MDN1: variants seen among roughly 807,000 people sequenced by gnomAD.
The protein encoded by MDN1 is midasin AAA ATPase 1.
In MDN1, 266 loss-of-function variants were observed where a neutral mutation model predicts 669.2. The observed-to-expected ratio is 0.40, with a 90% CI of 0.36 to 0.44. The LOEUF (loss-of-function observed/expected upper bound fraction) is 0.44, where lower values mean the gene tolerates loss of function less well. Ranked by LOEUF, MDN1 falls within the 20% of genes least tolerant of loss-of-function variation. MDN1 has a pLI of 1.00. For synonymous variants in MDN1, 2,385 were observed against 2,457.1 expected (o/e 0.97, Z 0.87); for missense variants, 5,940 against 6,754.0 (o/e 0.88, Z 4.22).
Position 89,684,980 on chromosome 6 carries a change from G to A in MDN1, c.11725C>T (p.Leu3909Phe), listed in dbSNP as rs1054411286. ...TACAAATTCCATAGAACACTGCAAA[G>A]TGAATCTGGAAGAAATGAAAAGGAA... ...LMPQVEGKDS[L>F]CSVLWNLYHY... Residue 3909 changes from leucine (L) to phenylalanine (F), a missense_variant, in exon 71 of 102, where the codon CTT (leucine) becomes TTT (phenylalanine). Leu to Phe is a conservative substitution (Grantham distance 22, BLOSUM62 0). Transcript: ENST00000369393. 1.2e-6 allele frequency: 2 copies of A among 1,606,408 alleles called. No individual in the cohort carries two copies. The highest frequency in any genetic ancestry group is 2.2e-5 in the South Asian group (2 of 90,724).
Position 89,790,334 on chromosome 6 carries a change from A to G in MDN1, c.923T>C (p.Val308Ala), listed in dbSNP as rs1485302196. ...ALRSYVLVES[V>A]CKSLQTLAMA... ...AGCCAGGGTCTGAAGACTTTTGCAGACAGACTCAACCAGCACATAAGACCT... is the reference window on the plus strand; with the variant it reads ...AGCCAGGGTCTGAAGACTTTTGCAGGCAGACTCAACCAGCACATAAGACCT... Residue 308 changes from valine (V) to alanine (A), a missense_variant, in exon 6 of 102, where the codon GTC (valine) becomes GCC (alanine). Val to Ala is a moderately conservative substitution (Grantham distance 64). This residue lies in a region of MDN1 where 1,203 missense variants were observed against 1,268.9 expected (regional missense o/e 0.95). Transcript: ENST00000369393. The G allele has an allele frequency of 3.1e-6, 5 of 1,614,048 alleles. No homozygotes were observed. Among genetic ancestry groups the G allele is most frequent in the African/African-American group, 1.3e-5 (1 of 74,912 alleles).
At position 89,715,053 on chromosome 6, in the gene MDN1, A is replaced by G. The variant is rs187138862; in HGVS notation, c.6861-302T>C. ...TCATTATTCTAACTCACCTACAGAC[A>G]GCAGAACAGGAAGCAAGTGTAGTCT... is the stretch of plus-strand genomic sequence containing the variant. On this transcript the variant is annotated intron_variant, in intron 45 of 101. Transcript: ENST00000369393. 5.9e-5 allele frequency among the ~76,000 whole-genome samples: 9 copies of G among 152,358 alleles called. 1 individual carries two copies. Among genetic ancestry groups the G allele is most frequent in the Admixed American group, 5.2e-4 (8 of 15,310 alleles).
At chr6:89,644,237 C>A in intron 101 of MDN1, 44 bp from the exon 102 acceptor site, 2 of 1,510,744 alleles carry the variant, frequency 1.3e-6, no homozygotes, top group South Asian at 2.5e-5. Context: ...AGCGATTAAA[C>A]CAGCATCCTT....
At chr6:89,749,130 T>C (rs143583006) in intron 26 of MDN1, 93 bp downstream of exon 26, 95 of 1,204,452 alleles carry the variant, frequency 7.9e-5, no homozygotes, top group Non-Finnish European at 1.0e-4. Flanking sequence ...CTTGGAAAAA[T>C]ACATCAACAG....
intron 27 of MDN1, among the ~76,000 whole-genome samples, chr6:89,745,885 A>G (rs781024461): frequency 1.3e-5 from 2 of 152,246 alleles, no homozygotes; most frequent in Non-Finnish European, 2.9e-5. Context: ...AGCTTTGTTC[A>G]TAACTAAAAA....
At chr6:89,690,905 T>C in intron 63 of MDN1, 71 bp from the exon 64 acceptor site, 2 of 1,520,730 alleles carry the variant, frequency 1.3e-6, no homozygotes, top group Middle Eastern at 1.7e-4. Flanking sequence ...AGATTTGCTA[T>C]TAATTTCTCA....
At chr6:89,767,285 C>T (rs1817847393) in intron 15 of MDN1, among the ~76,000 whole-genome samples, 1 of 152,110 alleles carries the variant, frequency 6.6e-6, no homozygotes, top group African/African-American at 2.4e-5. Flanking sequence ...AGGAAAAAGA[C>T]ATATCATGCC....
chr6:89,799,781 TA>T (rs1767510257), intron 2 of MDN1, among the ~76,000 whole-genome samples: 1 of 152,218 alleles, frequency 6.6e-6, no homozygotes, highest in Non-Finnish European at 1.5e-5. Flanking sequence ...GAATGAAACT[TA>T]AATTTTGTTA....
At chr6:89,768,336 T>G (rs1340225598) in intron 15 of MDN1, among the ~76,000 whole-genome samples, 1 of 152,174 alleles carries the variant, frequency 6.6e-6, no homozygotes, top group African/African-American at 2.4e-5. Context: ...CTCATGAGAT[T>G]AGATGGTTTT....
At chr6:89,647,688 A>G (rs1808573301) in intron 99 of MDN1, among the ~76,000 whole-genome samples, 1 of 152,198 alleles carries the variant, frequency 6.6e-6, no homozygotes, top group Non-Finnish European at 1.5e-5. Flanking sequence ...TTCTCAGCCC[A>G]GCATGGTGGT....
Position 89,695,482 on chromosome 6 carries a change from A to C in MDN1, c.9771+123T>G. 1 of 1,274,650 alleles carries C rather than the reference A, an allele frequency of 7.8e-7. No homozygotes were observed. The highest frequency in any genetic ancestry group is 2.2e-4 in the Middle Eastern group (1 of 4,622). 79.0% of individuals were successfully genotyped at this position (1,274,650 alleles called of 1,614,324 possible). ...ACAGACTCCTGGGAAGTCATAAGGC[A>C]ACTTATGCAATATCATGCTTGTGAT... is the stretch of plus-strand genomic sequence containing the variant. On this transcript the variant is annotated intron_variant, in intron 61 of 101. Transcript: ENST00000369393. The surrounding 1 kb of genome is among the most constrained non-coding windows in gnomAD (Gnocchi z 4.1).
At chr6:89,758,178 G>A (rs1020419120) in intron 19 of MDN1, 77 bp downstream of exon 19, 15 of 1,154,194 alleles carry the variant, frequency 1.3e-5, no homozygotes, top group Middle Eastern at 3.9e-4. Context: ...CCAAGATCAC[G>A]CCACTGCACT....
chr6:89,803,890 C>CTTTCTTTTTTTTTT (rs377468650), intron 1 of MDN1, among the ~76,000 whole-genome samples: 28 of 93,192 alleles, frequency 3.0e-4, no homozygotes, highest in South Asian at 7.0e-4. Context: ...CTTTTCTTTT[C>CTTTCTTTTTTTTTT]TTTTCTTTTT....
chr6:89,690,699 T>G lies in MDN1; in HGVS notation c.10723A>C (p.Arg3575=). 1.2e-6 allele frequency: 2 copies of G among 1,614,158 alleles called. No homozygotes were observed. Among genetic ancestry groups the G allele is most frequent in the South Asian group, 1.1e-5 (1 of 91,080 alleles). ...SEEEEEEREF[R]KQFPLHEKDF... ...TTTTCATGCAGGGGGAACTGTTTTC[T>G]GAACTCCCGTTCTTCCTCCTCCTCT... Residue 3575 remains arginine (R), a synonymous_variant, in exon 64 of 102, where the codon AGA becomes CGA. Transcript: ENST00000369393.
intron 45 of MDN1, among the ~76,000 whole-genome samples, 193 bp downstream of exon 45, chr6:89,715,460 T>A (rs1314717963): frequency 6.6e-6 from 1 of 152,204 alleles, no homozygotes; most frequent in Non-Finnish European, 1.5e-5. Context: ...TTGTTTATGC[T>A]GTGTTTCCAG....
chr6:89,716,464 A>G (rs1013984332), intron 44 of MDN1, among the ~76,000 whole-genome samples, 186 bp downstream of exon 44: 2 of 152,268 alleles, frequency 1.3e-5, no homozygotes, highest in Admixed American at 1.3e-4. Context: ...CTGAAATCTT[A>G]TAACTGTCTG....
intron 93 of MDN1, among the ~76,000 whole-genome samples, 175 bp from the exon 94 acceptor site, chr6:89,653,330 C>CT (rs1809012961): frequency 6.6e-6 from 1 of 152,210 alleles, no homozygotes; most frequent in African/African-American, 2.4e-5. Flanking sequence ...ATTGCCAACC[C>CT]TTACTCTCTA....
rs199604939 is a variant in MDN1, at chr6:89,688,203, T to C, written c.11260-30A>G. On this transcript the variant is annotated intron_variant, in intron 66 of 101. Transcript: ENST00000369393. ...AGAAATAAAGATTTGGGTATCTCAG[T>C]AGGAATACCAGTGATCCTAAGTCAC... 1.2e-5 allele frequency: 19 copies of C among 1,570,532 alleles called. No homozygotes were observed. The East Asian group carries it at 1.6e-4, about 13-fold the overall frequency.
At chr6:89,740,993 A>T (rs1472706914) in intron 31 of MDN1, among the ~76,000 whole-genome samples, 1 of 152,224 alleles carries the variant, frequency 6.6e-6, no homozygotes, top group Admixed American at 6.5e-5. Context: ...GCACTTTGGA[A>T]GGCCAAGGTG....
Sources: allele counts gnomAD v4.1 joint callset (sites outside exome capture counted in the v4.1 genomes callset), GRCh38; gene constraint gnomAD v4.1.1; regional missense constraint gnomAD v4.1.1; non-coding constraint Gnocchi (gnomAD v3.1); transcripts MANE v1.5; gene names NCBI Gene and HGNC (gene_info 2026-07-23, HGNC 2026-07-21).